PLXNA4: variants seen among roughly 807,000 people sequenced by gnomAD.
The protein encoded by PLXNA4 is plexin-A4.
In PLXNA4, 44 loss-of-function variants were observed where a neutral mutation model predicts 191.8. The observed-to-expected ratio is 0.23, with a 90% CI of 0.18 to 0.29. PLXNA4 has a LOEUF of 0.29. Among genes scored for constraint, PLXNA4 ranks in the 10% least tolerant of loss-of-function variants. PLXNA4 has a pLI of 1.00. For synonymous variants in PLXNA4, 1,082 were observed against 1,009.5 expected, an observed-to-expected ratio of 1.07 and a Z score of -1.36; for missense variants, 1,800 against 2,488.8, an observed-to-expected ratio of 0.72 and a Z score of 5.89.
At chr7:132,224,724 C>G (rs576085259) in intron 8 of PLXNA4, among the ~76,000 whole-genome samples, 1 of 152,108 alleles carries the variant, frequency 6.6e-6, no homozygotes. Flanking sequence ...ACAGCTTTGC[C>G]GCAAGAGGCA....
intron 12 of PLXNA4, 43 bp from the exon 13 acceptor site, chr7:132,198,679 T>C (rs1198534633): frequency 6.2e-7 from 1 of 1,605,498 alleles, no homozygotes; most frequent in Non-Finnish European, 8.5e-7. Context: ...ACCAAGATAC[T>C]GCCACTCACT....
At chr7:132,356,701 T>G (rs991552276) in intron 3 of PLXNA4, among the ~76,000 whole-genome samples, 1 of 152,214 alleles carries the variant, frequency 6.6e-6, no homozygotes, top group Non-Finnish European at 1.5e-5. Context: ...CCAGGCAATA[T>G]TGGTTCCCTC....
In PLXNA4 at chr7:132,189,036, G is replaced by A. The variant is rs867033358; in HGVS notation, c.2857-1429C>T. Reference sequence around the variant, plus strand: ...AGAGAGAGAGAGAGAGAGAAAGAGAGAGAGAGAGAGAGAGAGAGAGAGAGA... The same window carrying A: ...AGAGAGAGAGAGAGAGAGAAAGAGAAAGAGAGAGAGAGAGAGAGAGAGAGA... On this transcript the variant is annotated intron_variant, in intron 14 of 31. Coordinates refer to ENST00000321063, the MANE Select transcript of PLXNA4 (RefSeq NM_020911.2). 2.8e-3 allele frequency among the ~76,000 whole-genome samples: 131 copies of A among 46,178 alleles called. 4 individuals are homozygous for A. Among genetic ancestry groups the A allele is most frequent in the Middle Eastern group, 0.029 (1 of 34 alleles). The allele number at this position is 46,178 out of a possible 152,430, so 30.3% of individuals were successfully genotyped here.
chr7:132,376,194 T>C (rs1804651524), intron 3 of PLXNA4, among the ~76,000 whole-genome samples: 2 of 152,148 alleles, frequency 1.3e-5, no homozygotes, highest in Non-Finnish European at 2.9e-5. Context: ...TCATCAATCA[T>C]CACCAGGGAT....
At chr7:132,207,906 G>A (rs1691900478) in intron 10 of PLXNA4, among the ~76,000 whole-genome samples, 2 of 152,308 alleles carry the variant, frequency 1.3e-5, no homozygotes, top group East Asian at 1.9e-4. Context: ...TTTGATTAGG[G>A]GATGTGTTAT....
intron 4 of PLXNA4, among the ~76,000 whole-genome samples, chr7:132,278,486 CAA>C (rs1309335016): frequency 6.6e-6 from 1 of 152,150 alleles, no homozygotes; most frequent in Non-Finnish European, 1.5e-5. Flanking sequence ...TTCCAAGGGT[CAA>C]CTAAGCGCCT....
At chr7:132,300,669 A>G (rs1228705199) in intron 3 of PLXNA4, among the ~76,000 whole-genome samples, 1 of 152,172 alleles carries the variant, frequency 6.6e-6, no homozygotes, top group Non-Finnish European at 1.5e-5. Context: ...ACCAATTGGG[A>G]TTACCACCCA....
intron 3 of PLXNA4, among the ~76,000 whole-genome samples, chr7:132,371,733 C>T (rs574049260): frequency 6.6e-6 from 1 of 152,308 alleles, no homozygotes; most frequent in East Asian, 1.9e-4. Flanking sequence ...AGGACAGTAA[C>T]TCCTTTATCA....
At chr7:132,254,458 ACTC>A (rs1457429329) in intron 4 of PLXNA4, among the ~76,000 whole-genome samples, 1 of 152,026 alleles carries the variant, frequency 6.6e-6, no homozygotes, top group African/African-American at 2.4e-5. Flanking sequence ...CCTAGATTCA[ACTC>A]CTGGCTCAGC....
intron 3 of PLXNA4, among the ~76,000 whole-genome samples, chr7:132,446,114 C>A (rs1795902856): frequency 6.6e-6 from 1 of 152,148 alleles, no homozygotes; most frequent in Admixed American, 6.5e-5. Flanking sequence ...AAGAGGTAGA[C>A]TGACCCCCAA....
At chr7:132,583,553 AAG>A (rs750321072) in intron 2 of PLXNA4, among the ~76,000 whole-genome samples, 5 of 152,170 alleles carry the variant, frequency 3.3e-5, no homozygotes, top group Non-Finnish European at 7.4e-5. Flanking sequence ...GAAGGGAAGA[AAG>A]AGGCAAAGAA....
chr7:132,229,284 GT>G (rs1798442602), intron 5 of PLXNA4, among the ~76,000 whole-genome samples: 1 of 152,182 alleles, frequency 6.6e-6, no homozygotes, highest in Admixed American at 6.5e-5. Flanking sequence ...AGTGTATGGT[GT>G]CACAAGTGGA....
intron 2 of PLXNA4, among the ~76,000 whole-genome samples, chr7:132,587,985 C>T (rs1340354939): frequency 1.3e-5 from 2 of 151,958 alleles, no homozygotes; most frequent in Non-Finnish European, 2.9e-5. Flanking sequence ...TATGTCCAGA[C>T]TCCTTTTGTC....
chr7:132,274,035 A>T, intron 4 of PLXNA4, among the ~76,000 whole-genome samples: 1 of 152,112 alleles, frequency 6.6e-6, no homozygotes, highest in East Asian at 1.9e-4. Context: ...ACATGGATAA[A>T]GGTTAAAAGC....
chr7:132,476,293 C>T (rs1585192360), intron 3 of PLXNA4, among the ~76,000 whole-genome samples: 2 of 152,302 alleles, frequency 1.3e-5, no homozygotes, highest in South Asian at 4.1e-4. Flanking sequence ...CCTGCAATTG[C>T]TGTCACCAGC....
chr7:132,231,398 T>G (rs970866987), intron 5 of PLXNA4, among the ~76,000 whole-genome samples: 2 of 152,178 alleles, frequency 1.3e-5, no homozygotes, highest in Admixed American at 1.3e-4. Flanking sequence ...TTTATTTTAT[T>G]TTTTATCTTA....
chr7:132,246,110 A>G (rs1055801047), intron 4 of PLXNA4, among the ~76,000 whole-genome samples: 3 of 152,362 alleles, frequency 2.0e-5, no homozygotes, highest in African/African-American at 7.2e-5. Flanking sequence ...ACAATAAAAG[A>G]GTTGAAATAA....
intron 3 of PLXNA4, among the ~76,000 whole-genome samples, chr7:132,368,539 C>T (rs1480349144): frequency 6.6e-6 from 1 of 152,208 alleles, no homozygotes; most frequent in Non-Finnish European, 1.5e-5. Flanking sequence ...TCTCCTGTCA[C>T]CCTCTGTCTG....
At chr7:132,133,513 C>T (rs1275182160) in intron 30 of PLXNA4, among the ~76,000 whole-genome samples, 2 of 148,982 alleles carry the variant, frequency 1.3e-5, no homozygotes, top group African/African-American at 5.2e-5. Flanking sequence ...TCAGCTACCA[C>T]ACAGAGAGGT....
Sources: allele counts gnomAD v4.1 joint callset (sites outside exome capture counted in the v4.1 genomes callset), GRCh38; gene constraint gnomAD v4.1.1; transcripts MANE v1.5; gene names NCBI Gene and HGNC (gene_info 2026-07-23, HGNC 2026-07-21).